The following MAPK8 variants were observed in gnomAD, a reference collection of about 807,000 sequenced individuals.
MAPK8 encodes JUN N-terminal kinase.
A neutral mutation model predicts 52.9 loss-of-function variants in MAPK8; 13 were observed. The observed-to-expected ratio is 0.25, with a 90% CI of 0.16 to 0.39. The LOEUF is 0.39. MAPK8 is among the 10% of genes least tolerant of loss of function. MAPK8 has a pLI of 1.00. For missense variants in MAPK8, 300 were observed against 519.2 expected (o/e 0.58, Z 4.10); for synonymous variants, 191 against 169.8 (o/e 1.12, Z -0.97).
Position 48,435,050 on chromosome 10 carries a change from T to TGGG in MAPK8, c.*22_*24dup. 3.4e-6 allele frequency: 1 copy of TGGG among 293,708 alleles called. No homozygotes were observed. Among genetic ancestry groups the TGGG allele is most frequent in the Non-Finnish European group, 6.7e-6 (1 of 149,022 alleles). The allele number at this position is 293,708 out of a possible 1,614,324, so 18.2% of individuals were successfully genotyped here. On this transcript the variant is annotated 3_prime_UTR_variant, in exon 12 of 12. Transcript: ENST00000374189. ...GATGACTACTTGGGCCATCGGGGGG[T>TGGG]GGGAGGGATGGGGAGTCGGTTAGTC... is the stretch of plus-strand genomic sequence containing the variant.
At chr10:48,428,584 A>C (rs1469934624) in intron 10 of MAPK8, among the ~76,000 whole-genome samples, 3 of 152,224 alleles carry the variant, frequency 2.0e-5, no homozygotes, top group African/African-American at 7.2e-5. Context: ...GTTTTCTCTG[A>C]ACTTTGGGAA....
chr10:48,398,820 C>G (rs538774429), intron 1 of MAPK8, among the ~76,000 whole-genome samples: 2 of 152,160 alleles, frequency 1.3e-5, no homozygotes, highest in African/African-American at 4.8e-5. Context: ...GCACAATAAC[C>G]AATTCAGTGG....
intron 1 of MAPK8, among the ~76,000 whole-genome samples, chr10:48,314,357 A>G (rs902931699): frequency 5.9e-5 from 9 of 152,156 alleles, no homozygotes; most frequent in Admixed American, 3.3e-4. Context: ...TCCAGATACT[A>G]TCAAGTTAGA....
intron 1 of MAPK8, among the ~76,000 whole-genome samples, chr10:48,318,675 A>G (rs555910781): frequency 6.6e-6 from 1 of 152,210 alleles, no homozygotes; most frequent in African/African-American, 2.4e-5. Context: ...GAGGAGGCCA[A>G]TGAGTTAAAG....
At chr10:48,409,055 T>C (rs2042611516) in intron 3 of MAPK8, among the ~76,000 whole-genome samples, 2 of 152,138 alleles carry the variant, frequency 1.3e-5, no homozygotes, top group Admixed American at 6.5e-5. Context: ...ACTATCACAT[T>C]GGGTGCTAGG....
intron 1 of MAPK8, among the ~76,000 whole-genome samples, chr10:48,340,795 T>A (rs575751323): frequency 6.6e-6 from 1 of 152,328 alleles, no homozygotes; most frequent in South Asian, 2.1e-4. Context: ...CTATGCCAAT[T>A]TCTGGTGCTC....
intron 1 of MAPK8, among the ~76,000 whole-genome samples, chr10:48,385,908 T>C (rs1229618399): frequency 1.3e-5 from 2 of 152,130 alleles, no homozygotes; most frequent in Non-Finnish European, 2.9e-5. Context: ...GGCAGGCACA[T>C]TTAATTACAG....
chr10:48,386,765 G>A lies in MAPK8; in HGVS notation c.-49-14847G>A, dbSNP rs73296802. Among the ~76,000 whole-genome samples the A allele has an allele frequency of 3.0e-3, 457 of 152,260 alleles. 4 individuals are homozygous for A. The highest frequency in any genetic ancestry group is 0.011 in the African/African-American group (445 of 41,556). ...GATTGCTTGAGACCAAGGAGTTCAA[G>A]GCCAGTGGGCCATATAGCAAGACCT... On this transcript the variant is annotated intron_variant, in intron 1 of 11. Transcript: ENST00000374189.
intron 1 of MAPK8, among the ~76,000 whole-genome samples, chr10:48,387,174 A>T (rs2041364736): frequency 6.6e-6 from 1 of 152,214 alleles, no homozygotes; most frequent in Admixed American, 6.5e-5. Context: ...GGTGGGGGTC[A>T]GATTCTCCTA....
chr10:48,390,334 T>G (rs920891086), intron 1 of MAPK8, among the ~76,000 whole-genome samples: 1 of 152,176 alleles, frequency 6.6e-6, no homozygotes, highest in Non-Finnish European at 1.5e-5. Context: ...TAACCAAATA[T>G]ATGGGCACCC....
chr10:48,408,026 A>C (rs920407747), intron 3 of MAPK8, among the ~76,000 whole-genome samples: 1 of 152,228 alleles, frequency 6.6e-6, no homozygotes. Flanking sequence ...CTGGTGTATT[A>C]TTTTTCCGAA....
intron 1 of MAPK8, among the ~76,000 whole-genome samples, chr10:48,339,094 T>C (rs1292763101): frequency 2.0e-5 from 3 of 152,148 alleles, no homozygotes; most frequent in Non-Finnish European, 1.5e-5. Flanking sequence ...AATTCTAATA[T>C]TCATGTGGAA....
intron 1 of MAPK8, among the ~76,000 whole-genome samples, chr10:48,400,093 A>C (rs1031960172): frequency 6.6e-6 from 1 of 152,196 alleles, no homozygotes; most frequent in Non-Finnish European, 1.5e-5. Flanking sequence ...TGGTAGGAAA[A>C]TGATTAGGAT....
chr10:48,361,316 C>G (rs981131482), intron 1 of MAPK8, among the ~76,000 whole-genome samples: 4 of 152,014 alleles, frequency 2.6e-5, no homozygotes. Flanking sequence ...TCTGTTTGTT[C>G]TTGGTTGACT....
chr10:48,391,367 C>T (rs758525344), intron 1 of MAPK8, among the ~76,000 whole-genome samples: 1 of 152,124 alleles, frequency 6.6e-6, no homozygotes, highest in African/African-American at 2.4e-5. Context: ...TTTTTAATCT[C>T]AGAAGCCTTC....
chr10:48,369,363 T>G (rs1848347234), intron 1 of MAPK8, among the ~76,000 whole-genome samples: 1 of 152,150 alleles, frequency 6.6e-6, no homozygotes, highest in South Asian at 2.1e-4. Flanking sequence ...TGTTTCTGGC[T>G]TGAATACCTG....
At chr10:48,355,306 A>G (rs1011844103) in intron 1 of MAPK8, among the ~76,000 whole-genome samples, 1 of 152,128 alleles carries the variant, frequency 6.6e-6, no homozygotes, top group Non-Finnish European at 1.5e-5. Context: ...TCAGGAGATC[A>G]AGACCATCCT....
chr10:48,359,068 C>G (rs551897687), intron 1 of MAPK8, among the ~76,000 whole-genome samples: 47 of 152,200 alleles, frequency 3.1e-4, no homozygotes, highest in Admixed American at 7.2e-4. Flanking sequence ...ATAAAAAACC[C>G]GACTTTTGGT....
intron 1 of MAPK8, among the ~76,000 whole-genome samples, chr10:48,391,328 A>G (rs959088098): frequency 3.9e-5 from 6 of 152,202 alleles, no homozygotes; most frequent in Non-Finnish European, 5.9e-5. Flanking sequence ...AATCAGTTAC[A>G]TCTAAATTCT....
Sources: allele counts gnomAD v4.1 joint callset (sites outside exome capture counted in the v4.1 genomes callset), GRCh38; gene constraint gnomAD v4.1.1; transcripts MANE v1.5; gene names NCBI Gene and HGNC (gene_info 2026-07-23, HGNC 2026-07-21).